KAZN: variants seen among roughly 807,000 people sequenced by gnomAD.
KAZN encodes kazrin, periplakin interacting protein.
KAZN carries 40 observed loss-of-function variants against 87.4 expected under a neutral mutation model. The ratio of observed to expected loss-of-function variants is 0.46; its 90% CI spans 0.36 to 0.60. KAZN has a LOEUF of 0.60. KAZN is among the 20% of genes least tolerant of loss of function. The pLI, the probability that KAZN is intolerant of heterozygous loss-of-function variation, is 0.00. For missense variants in KAZN, 898 were observed against 1,073.9 expected (o/e 0.84, Z 2.29); for synonymous variants, 466 against 458.3 (o/e 1.02, Z -0.22).
chr1:15,006,962 C>T (rs902250889), intron 2 of KAZN, among the ~76,000 whole-genome samples: 1 of 145,102 alleles, frequency 6.9e-6, no homozygotes, highest in South Asian at 2.1e-4. Context: ...GAGGCTGAGG[C>T]AGGAGAATAG....
chr1:14,968,540 G>A (rs1664697731), intron 2 of KAZN, among the ~76,000 whole-genome samples: 1 of 152,168 alleles, frequency 6.6e-6, no homozygotes, highest in Non-Finnish European at 1.5e-5. Context: ...CCCTGGACTT[G>A]GCAGCCCTAA....
intron 1 of KAZN, among the ~76,000 whole-genome samples, chr1:14,659,195 T>G (rs1638997815): frequency 6.6e-6 from 1 of 151,884 alleles, no homozygotes; most frequent in Non-Finnish European, 1.5e-5. Flanking sequence ...GCCACTGCAC[T>G]CCAGCCTGTG....
intron 1 of KAZN, among the ~76,000 whole-genome samples, chr1:14,909,363 C>G (rs1656977191): frequency 6.6e-6 from 1 of 152,200 alleles, no homozygotes; most frequent in South Asian, 2.1e-4. Context: ...TGCCCTCTCT[C>G]TCCACTTAGC....
At chr1:14,752,930 C>G (rs1163219203) in intron 1 of KAZN, among the ~76,000 whole-genome samples, 1 of 152,208 alleles carries the variant, frequency 6.6e-6, no homozygotes. Context: ...TTGGACCACT[C>G]AGAGGTAACC....
chr1:15,103,284 C>T (rs1573309923), intron 11 of KAZN, 75 bp from the exon 12 acceptor site: 11 of 1,067,468 alleles, frequency 1.0e-5, no homozygotes, highest in Admixed American at 2.1e-5. Context: ...AAAAGAGATG[C>T]GGGGCACCCC....
intron 2 of KAZN, among the ~76,000 whole-genome samples, chr1:14,582,366 C>T (rs1675608994): frequency 6.6e-6 from 1 of 152,164 alleles, no homozygotes; most frequent in African/African-American, 2.4e-5. Context: ...GGGCAGGTCA[C>T]TTCCCAATTT....
chr1:14,496,371 CTT>C (rs1053047394), intron 2 of KAZN, among the ~76,000 whole-genome samples: 9 of 151,972 alleles, frequency 5.9e-5, no homozygotes, highest in African/African-American at 2.2e-4. Context: ...AAGGGAATAA[CTT>C]ATGTGTTGTT....
intron 1 of KAZN, among the ~76,000 whole-genome samples, chr1:14,662,979 A>ATG (rs1639294355): frequency 6.8e-6 from 1 of 146,308 alleles, no homozygotes; most frequent in Non-Finnish European, 1.5e-5. Flanking sequence ...ATATATATAT[A>ATG]TATTTTAGAG....
intron 1 of KAZN, among the ~76,000 whole-genome samples, chr1:14,922,791 C>CAAA (rs35903866): frequency 7.4e-4 from 56 of 75,272 alleles, no homozygotes; most frequent in African/African-American, 1.8e-3. Flanking sequence ...GACTCTGTCT[C>CAAA]AAAAAAAAAA....
intron 1 of KAZN, among the ~76,000 whole-genome samples, chr1:13,954,805 GA>G (rs1641481721): frequency 6.6e-6 from 1 of 152,168 alleles, no homozygotes; most frequent in African/African-American, 2.4e-5. Context: ...TAGTTTTCTT[GA>G]GGGGGTTGGA....
intron 1 of KAZN, among the ~76,000 whole-genome samples, chr1:14,143,536 C>T (rs1467468590): frequency 6.6e-6 from 1 of 152,204 alleles, no homozygotes; most frequent in Non-Finnish European, 1.5e-5. Context: ...CCCCCACTTA[C>T]TTCCACCAGT....
At chr1:14,365,331 G>A (rs1309947004) in intron 2 of KAZN, among the ~76,000 whole-genome samples, 1 of 148,468 alleles carries the variant, frequency 6.7e-6, no homozygotes, top group Non-Finnish European at 1.5e-5. Context: ...ACAGGTGTGA[G>A]CCACCGCGCC....
In KAZN at chr1:14,848,466, G is replaced by T. The variant is rs1201083542; in HGVS notation, c.227-112218G>T. 2.6e-5 allele frequency among the ~76,000 whole-genome samples: 4 copies of T among 152,240 alleles called. No individual in the cohort carries two copies. The South Asian group carries it at 6.2e-4, about 24-fold the overall frequency. ...GGATGGGGTGAACACAAGCTGGCAA[G>T]TGGGGAGGAAGTCAGAAAAAATGAA... On this transcript the variant is annotated intron_variant, in intron 1 of 14. Transcript: ENST00000376030.
At chr1:14,267,381 C>CAAAAAAAAAA (rs1651573761) in intron 2 of KAZN, among the ~76,000 whole-genome samples, 1 of 136,802 alleles carries the variant, frequency 7.3e-6, no homozygotes, top group African/African-American at 2.9e-5. Flanking sequence ...AAAAAAAAAT[C>CAAAAAAAAAA]ACAAAATATC....
chr1:14,008,433 C>T (rs1640132956), intron 1 of KAZN, among the ~76,000 whole-genome samples: 1 of 152,170 alleles, frequency 6.6e-6, no homozygotes, highest in Admixed American at 6.5e-5. Context: ...GGGGACTTCC[C>T]TGGATTTCAA....
intron 1 of KAZN, among the ~76,000 whole-genome samples, chr1:13,936,848 T>G (rs1640760375): frequency 6.6e-6 from 1 of 152,198 alleles, no homozygotes; most frequent in Non-Finnish European, 1.5e-5. Context: ...AAGCAATTTC[T>G]TTTCCTTTGG....
chr1:14,965,243 C>G (rs1242833531), intron 2 of KAZN, among the ~76,000 whole-genome samples: 1 of 152,050 alleles, frequency 6.6e-6, no homozygotes, highest in African/African-American at 2.4e-5. Context: ...TGGTCTGGAA[C>G]TCCTGGGCTC....
chr1:13,935,942 AACTAGAATATATAT>A (rs1312990552), intron 1 of KAZN, among the ~76,000 whole-genome samples: 4 of 150,926 alleles, frequency 2.7e-5, no homozygotes, highest in South Asian at 2.1e-4. Flanking sequence ...ATCATCAGAA[AACTAGAATATATAT>A]ACTAGAATAT....
At chr1:13,931,350 G>A (rs1640501283) in intron 1 of KAZN, among the ~76,000 whole-genome samples, 1 of 152,164 alleles carries the variant, frequency 6.6e-6, no homozygotes, top group Non-Finnish European at 1.5e-5. Flanking sequence ...TCCCTGACAT[G>A]TTTTAATCGC....
Sources: allele counts gnomAD v4.1 joint callset (sites outside exome capture counted in the v4.1 genomes callset), GRCh38; gene constraint gnomAD v4.1.1; transcripts MANE v1.5; gene names NCBI Gene and HGNC (gene_info 2026-07-23, HGNC 2026-07-21).